CWH43: variants seen among roughly 807,000 people sequenced by gnomAD.
CWH43 encodes PGAP2-interacting protein.
Under a neutral mutation model 85.7 loss-of-function variants are expected in CWH43, and 91 were observed. The observed-to-expected ratio is 1.06, with a 90% confidence interval of 0.90 to 1.26. CWH43 has a LOEUF of 1.26. CWH43 is among the 50% of genes most tolerant of loss of function. The pLI, the probability that CWH43 is intolerant of heterozygous loss-of-function variation, is 0.00. For synonymous variants in CWH43, 323 were observed against 293.6 expected, an observed-to-expected ratio of 1.10 and a Z score of -1.02; for missense variants, 869 against 839.2, an observed-to-expected ratio of 1.04 and a Z score of -0.44.
chr4:49,026,888 T>C (rs1179809964), intron 9 of CWH43, among the ~76,000 whole-genome samples: 1 of 152,254 alleles, frequency 6.6e-6, no homozygotes, highest in East Asian at 1.9e-4. Context: ...CCTTCTTTCC[T>C]TTTGGGTAGA....
At chr4:49,049,376 G>A (rs1290938030) in intron 14 of CWH43, among the ~76,000 whole-genome samples, 1 of 152,072 alleles carries the variant, frequency 6.6e-6, no homozygotes, top group Non-Finnish European at 1.5e-5. Context: ...TCAGGTCCAA[G>A]CCCCCATCAT....
At chr4:49,010,848 T>C (rs1783334290) in intron 8 of CWH43, among the ~76,000 whole-genome samples, 1 of 152,202 alleles carries the variant, frequency 6.6e-6, no homozygotes, top group Non-Finnish European at 1.5e-5. Flanking sequence ...AGACAGTTTG[T>C]TATGATTTTG....
chr4:49,019,991 T>C (rs1340855225), intron 9 of CWH43, among the ~76,000 whole-genome samples: 1 of 152,116 alleles, frequency 6.6e-6, no homozygotes, highest in Non-Finnish European at 1.5e-5. Context: ...CTGCACCCAA[T>C]ATGTAGTCTT....
chr4:49,037,313 G>A lies in CWH43; in HGVS notation c.1659-723G>A, dbSNP rs141729191. On this transcript the variant is annotated intron_variant, in intron 12 of 15. Transcript: ENST00000226432. The stretch of plus-strand genomic sequence containing the variant: ...GGGCTGGGCGCAGTGGCTCACGCCT[G>A]TAATCCCAGCACTTTGGGAAACAAG... 6.8e-3 allele frequency among the ~76,000 whole-genome samples: 1,033 copies of A among 152,322 alleles called. 3 individuals carry two copies. Among genetic ancestry groups the A allele is most frequent in the Non-Finnish European group, 0.011 (772 of 68,028 alleles).
At chr4:49,050,433 C>G (rs1784756660) in intron 14 of CWH43, among the ~76,000 whole-genome samples, 1 of 152,048 alleles carries the variant, frequency 6.6e-6, no homozygotes, top group Non-Finnish European at 1.5e-5. Flanking sequence ...CTAGAATATT[C>G]ATTAGTATAA....
chr4:48,992,079 G>A lies in CWH43; in HGVS notation c.500G>A (p.Arg167His), dbSNP rs371671107. 3.7e-6 allele frequency: 6 copies of A among 1,613,492 alleles called. No individual in the cohort carries two copies. The highest frequency in any genetic ancestry group is 3.3e-5 in the South Asian group (3 of 90,952). Residue 167 changes from arginine (R) to histidine (H), a missense_variant, in exon 4 of 16, where the codon CGT (arginine) becomes CAT (histidine). By Grantham distance (29) the Arg-to-His change is conservative. Coordinates refer to ENST00000226432, the MANE Select transcript of CWH43 (RefSeq NM_025087.3). This position sits in a 1 kb window ranked among gnomAD's most constrained non-coding sequence, Gnocchi z 4.3. ...TTAAGTGCCATAGCCACACTTGATC[G>A]TATTGGCACAGGTAATACTGTAACT... ...LTLSAIATLD[R>H]IGTDGDCSKP...
In CWH43 at chr4:49,047,195, C is replaced by T. The variant is rs184887548; in HGVS notation, c.1865+2348C>T. Among the ~76,000 whole-genome samples the T allele has an allele frequency of 2.0e-5, 3 of 152,326 alleles. No homozygotes were observed. In the East Asian group the frequency reaches 5.8e-4, roughly 29 times the overall value. ...AGAATCATGGATTCAACTCCTCTCC[C>T]AGTGGGGATATGGCTTGTTTGGTTA... On this transcript the variant is annotated intron_variant, in intron 14 of 15. Coordinates refer to ENST00000226432, the MANE Select transcript of CWH43 (RefSeq NM_025087.3).
At chr4:48,998,981 C>T (rs2109753811) in intron 6 of CWH43, among the ~76,000 whole-genome samples, 1 of 152,226 alleles carries the variant, frequency 6.6e-6, no homozygotes, top group Admixed American at 6.5e-5. Flanking sequence ...AGGTTTGTTA[C>T]ATAAGTAAAT....
rs534646002 is a variant in CWH43, at chr4:49,039,935, C to A, written c.1803+1755C>A. Among the ~76,000 whole-genome samples, 490 of 152,086 alleles carry A rather than the reference C, an allele frequency of 3.2e-3. 1 individual carries two copies. The highest frequency in any genetic ancestry group is 5.6e-3 in the Non-Finnish European group (384 of 67,994). ...AACAGTCTCCAGAGTGTGATGTTCC[C>A]CTTCCTGTGTCCATGTGTTCTCATT... On this transcript the variant is annotated intron_variant, in intron 13 of 15. Transcript: ENST00000226432.
chr4:49,036,298 A>G (rs1435541648), intron 12 of CWH43, among the ~76,000 whole-genome samples: 1 of 152,166 alleles, frequency 6.6e-6, no homozygotes, highest in Admixed American at 6.6e-5. Context: ...GGGCATAGAG[A>G]AAGGACAGAG....
chr4:49,013,210 T>G (rs1314809888), intron 8 of CWH43, among the ~76,000 whole-genome samples: 1 of 152,170 alleles, frequency 6.6e-6, no homozygotes, highest in Non-Finnish European at 1.5e-5. Context: ...CAGATGCCCC[T>G]CCCCCAACCA....
At chr4:49,042,565 G>A (rs1483869008) in intron 13 of CWH43, among the ~76,000 whole-genome samples, 1 of 152,196 alleles carries the variant, frequency 6.6e-6, no homozygotes, top group East Asian at 1.9e-4. Context: ...TAGAGTTATA[G>A]ATTAAGGAGT....
In CWH43 at chr4:48,991,979, G is replaced by C. The variant is rs762866902; in HGVS notation, c.400G>C (p.Val134Leu). ...ATTCATTTTAGGACAGATTGTTCTTGTTGTTCTACGCATATGGTATACTTC... is the reference window on the plus strand; with the variant it reads ...ATTCATTTTAGGACAGATTGTTCTTCTTGTTCTACGCATATGGTATACTTC... ...WGFILGQIVL[V>L]VLRIWYTSLN... The change falls in exon 4 of 16, where the codon GTT becomes CTT. Residue 134 changes from valine to leucine, a missense_variant. Val to Leu is a conservative substitution (Grantham distance 32, BLOSUM62 1). Coordinates refer to ENST00000226432, the MANE Select transcript of CWH43 (RefSeq NM_025087.3). 5.0e-6 allele frequency: 8 copies of C among 1,613,542 alleles called. No homozygotes were observed. Among genetic ancestry groups the C allele is most frequent in the Non-Finnish European group, 6.8e-6 (8 of 1,179,854 alleles).
chr4:49,007,097 TTTCCAGGGTATG>T, intron 7 of CWH43, 92 bp from the exon 8 acceptor site: 1 of 1,315,578 alleles, frequency 7.6e-7, no homozygotes, highest in Non-Finnish European at 1.0e-6. Context: ...AGTACATGAA[TTTCCAGGGTATG>T]TTCCTTTCAA....
intron 15 of CWH43, among the ~76,000 whole-genome samples, chr4:49,051,958 A>T (rs928616025): frequency 6.6e-6 from 1 of 152,220 alleles, no homozygotes; most frequent in Admixed American, 6.5e-5. Context: ...CCATGACTGG[A>T]TAATGAGAGG....
intron 8 of CWH43, among the ~76,000 whole-genome samples, chr4:49,009,958 C>A (rs1783300075): frequency 6.6e-6 from 1 of 152,106 alleles, no homozygotes; most frequent in African/African-American, 2.4e-5. Context: ...GTGTCTCTGC[C>A]AAGCTTTGGT....
intron 5 of CWH43, among the ~76,000 whole-genome samples, chr4:48,996,504 A>G (rs1195232622): frequency 6.6e-6 from 1 of 152,214 alleles, no homozygotes; most frequent in Admixed American, 6.6e-5. Flanking sequence ...ATATTATTTC[A>G]TTTAGAGTCT....
intron 4 of CWH43, 52 bp from the exon 5 acceptor site, chr4:48,994,567 G>T (rs369675204): frequency 4.9e-5 from 71 of 1,462,214 alleles, no homozygotes; most frequent in Non-Finnish European, 6.4e-5. Flanking sequence ...AATATAGAGC[G>T]CAAATTTCCA....
chr4:48,998,364 T>C, intron 5 of CWH43, 96 bp from the exon 6 acceptor site: 3 of 932,946 alleles, frequency 3.2e-6, no homozygotes, highest in South Asian at 1.4e-5. Context: ...TTATCTCTTA[T>C]ATGTACCCAG....
Sources: gnomAD v4.1 joint callset for allele counts (sites outside exome capture counted in the v4.1 genomes callset) on GRCh38, gnomAD v4.1.1 for gene constraint, Gnocchi (gnomAD v3.1) non-coding constraint, MANE v1.5 for transcripts, NCBI Gene and HGNC (gene_info 2026-07-23, HGNC 2026-07-21) for gene names.